TMEM132C: variants seen among roughly 807,000 people sequenced by gnomAD.
The protein encoded by TMEM132C is protein phosphatase 1, regulatory subunit 152.
A neutral mutation model predicts 61.4 loss-of-function variants in TMEM132C; 29 were observed. The observed-to-expected ratio is 0.47, with a 90% CI of 0.35 to 0.64. The LOEUF is 0.64. Ranked by LOEUF, TMEM132C falls within the 30% of genes least tolerant of loss-of-function variation. The probability of loss-of-function intolerance (pLI) is 0.00; values close to 1 mark genes in which losing one functional copy is unlikely to be tolerated. For missense variants in TMEM132C, 1,408 were observed against 1,476.9 expected, an observed-to-expected ratio of 0.95 and a Z score of 0.76; for synonymous variants, 656 against 633.1, an observed-to-expected ratio of 1.04 and a Z score of -0.54.
intron 2 of TMEM132C, among the ~76,000 whole-genome samples, chr12:128,428,200 G>T (rs1023044566): frequency 3.3e-5 from 5 of 151,826 alleles, no homozygotes; most frequent in Admixed American, 6.6e-5. Context: ...GCTTATTTTG[G>T]TTGCTACTCT....
chr12:128,652,201 AG>A (rs144866086), intron 4 of TMEM132C, among the ~76,000 whole-genome samples: 2,725 of 152,244 alleles, frequency 0.018, 40 homozygotes, highest in Non-Finnish European at 0.03. Context: ...CCACATAACT[AG>A]ATAATGAGAG....
intron 8 of TMEM132C, among the ~76,000 whole-genome samples, chr12:128,704,474 C>T (rs1200627369): frequency 6.6e-6 from 1 of 152,188 alleles, no homozygotes; most frequent in Non-Finnish European, 1.5e-5. Context: ...CAACTACAGC[C>T]AAGCAAAGCA....
At chr12:128,290,907 G>A (rs1340739687) in intron 1 of TMEM132C, among the ~76,000 whole-genome samples, 2 of 151,626 alleles carry the variant, frequency 1.3e-5, no homozygotes, top group Non-Finnish European at 2.9e-5. Flanking sequence ...GACTGAATAT[G>A]CATTTTAATG....
chr12:128,537,768 C>A (rs938403101), intron 2 of TMEM132C, among the ~76,000 whole-genome samples: 4 of 152,026 alleles, frequency 2.6e-5, no homozygotes, highest in African/African-American at 9.7e-5. Context: ...AACTATACAC[C>A]AAAAAAGTTC....
intron 2 of TMEM132C, among the ~76,000 whole-genome samples, chr12:128,475,439 G>C (rs989706844): frequency 6.6e-6 from 1 of 152,132 alleles, no homozygotes; most frequent in Non-Finnish European, 1.5e-5. Flanking sequence ...CTGGCATGCG[G>C]TTGCACTTGG....
At chr12:128,306,147 A>G (rs1395997545) in intron 1 of TMEM132C, among the ~76,000 whole-genome samples, 1 of 152,146 alleles carries the variant, frequency 6.6e-6, no homozygotes, top group East Asian at 1.9e-4. Context: ...CTTCAGGTTG[A>G]AACATTTAGA....
chr12:128,285,520 G>A (rs964513782), intron 1 of TMEM132C, among the ~76,000 whole-genome samples: 31 of 152,260 alleles, frequency 2.0e-4, no homozygotes, highest in Admixed American at 1.3e-3. Context: ...ACCAGTGTAG[G>A]CAGCAGAGGA....
chr12:128,486,857 G>C (rs78205271), intron 2 of TMEM132C, among the ~76,000 whole-genome samples: 18,603 of 146,964 alleles, frequency 0.13, 1,290 homozygotes, highest in African/African-American at 0.16. Flanking sequence ...TTAGATGCTT[G>C]TAAACATGTG....
rs892044039 is a variant in TMEM132C at position 128,326,241 on chromosome 12, C to T, written c.85+58754C>T. 6.6e-6 allele frequency among the ~76,000 whole-genome samples: 1 copy of T among 152,118 alleles called. No individual in the cohort carries two copies. ...AGACAAAAATCTGTCTTGGTTTGAGCACCTCCATTCCTCCCCACCACCATC... is the reference window on the plus strand; with the variant it reads ...AGACAAAAATCTGTCTTGGTTTGAGTACCTCCATTCCTCCCCACCACCATC... On this transcript the variant is annotated intron_variant, in intron 1 of 8. Coordinates refer to ENST00000435159, the MANE Select transcript of TMEM132C (RefSeq NM_001136103.3). The surrounding 1 kb of genome is among the most constrained non-coding windows in gnomAD (Gnocchi z 5.6).
intron 1 of TMEM132C, among the ~76,000 whole-genome samples, chr12:128,367,561 C>T (rs917688376): frequency 2.1e-4 from 32 of 152,062 alleles, no homozygotes; most frequent in African/African-American, 7.7e-4. Flanking sequence ...CTGGCACTGC[C>T]CCTAGCAAGC....
rs575159143 is a variant in TMEM132C at position 128,583,648 on chromosome 12, A to G, written c.1122-32504A>G. 3.8e-3 allele frequency among the ~76,000 whole-genome samples: 585 copies of G among 152,308 alleles called. 2 individuals carry two copies. The highest frequency in any genetic ancestry group is 6.8e-3 in the Admixed American group (104 of 15,306). On this transcript the variant is annotated intron_variant, in intron 3 of 8. Transcript: ENST00000435159. ...TGGGAATGGCTGGACCCTAGAGGACAGGAGGGGAACTACTGCTCCTTGGTT... is the reference window on the plus strand; with the variant it reads ...TGGGAATGGCTGGACCCTAGAGGACGGGAGGGGAACTACTGCTCCTTGGTT...
chr12:128,293,625 T>G (rs1224976622), intron 1 of TMEM132C, among the ~76,000 whole-genome samples: 1 of 152,102 alleles, frequency 6.6e-6, no homozygotes, highest in African/African-American at 2.4e-5. Context: ...AAAAACAGCC[T>G]CTCTTTGAAC....
chr12:128,461,652 C>T (rs908192228), intron 2 of TMEM132C, among the ~76,000 whole-genome samples: 1 of 152,162 alleles, frequency 6.6e-6, no homozygotes, highest in African/African-American at 2.4e-5. Context: ...TGATGTCCAG[C>T]CCACCTCATT....
intron 2 of TMEM132C, among the ~76,000 whole-genome samples, chr12:128,497,978 T>C (rs772058118): frequency 6.6e-6 from 1 of 152,232 alleles, no homozygotes; most frequent in South Asian, 2.1e-4. Context: ...CCACCCCCAG[T>C]CTGTACCAGT....
chr12:128,622,411 C>T (rs1171603574), intron 4 of TMEM132C, among the ~76,000 whole-genome samples: 1 of 95,890 alleles, frequency 1.0e-5, no homozygotes, highest in African/African-American at 3.5e-5. Flanking sequence ...AACCAGGAAA[C>T]ATTCCCAGGG....
At chr12:128,664,218 GT>G (rs1555241372) in intron 4 of TMEM132C, among the ~76,000 whole-genome samples, 28,940 of 150,926 alleles carry the variant, frequency 0.19, 2,966 homozygotes, top group Middle Eastern at 0.27. Context: ...ACACATGCCT[GT>G]GTGTGTTCCA....
intron 1 of TMEM132C, among the ~76,000 whole-genome samples, chr12:128,336,966 T>A (rs2630226): frequency 6.6e-6 from 1 of 152,126 alleles, no homozygotes; most frequent in Non-Finnish European, 1.5e-5. Context: ...TGGAATGTTT[T>A]TATTTTATCT....
chr12:128,432,861 T>C (rs1365002252), intron 2 of TMEM132C, among the ~76,000 whole-genome samples: 2 of 152,142 alleles, frequency 1.3e-5, no homozygotes, highest in Non-Finnish European at 2.9e-5. Flanking sequence ...AAGTGATTCA[T>C]GAAAGGAAGA....
chr12:128,425,945 G>A (rs922518746), intron 2 of TMEM132C, among the ~76,000 whole-genome samples: 3 of 152,200 alleles, frequency 2.0e-5, no homozygotes, highest in Non-Finnish European at 4.4e-5. Context: ...GTTGCGTTCT[G>A]AAGTTCCCCG....
Sources: gnomAD v4.1 joint callset for allele counts (sites outside exome capture counted in the v4.1 genomes callset) on GRCh38, gnomAD v4.1.1 for gene constraint, Gnocchi (gnomAD v3.1) non-coding constraint, MANE v1.5 for transcripts, NCBI Gene and HGNC (gene_info 2026-07-23, HGNC 2026-07-21) for gene names.